The following MAP1LC3B2 variants were observed in gnomAD, a reference collection of about 807,000 sequenced individuals.
MAP1LC3B2 encodes the protein microtubule-associated protein 1 light chain 3 beta 2.
For synonymous variants in MAP1LC3B2, 62 were observed against 57.8 expected (o/e 1.07, Z -0.33); for missense variants, 155 against 154.6 (o/e 1.00, Z -0.01).
chr12:116,573,845 AAGACCAAT>A (rs1869604303), intron 1 of MAP1LC3B2, among the ~76,000 whole-genome samples: 1 of 152,246 alleles, frequency 6.6e-6, no homozygotes, highest in Non-Finnish European at 1.5e-5. Flanking sequence ...ACAAAATAAA[AAGACCAAT>A]AGCCCAGGCA....
At chr12:116,560,188 C>CTATATGTATATATATATATA (rs1869217282) in intron 1 of MAP1LC3B2, 1 of 88,444 alleles carries the variant, frequency 1.1e-5, no homozygotes, top group South Asian at 3.6e-4. Flanking sequence ...CTAAGTTTGG[C>CTATATGTATATATATATATA]TATATATATA....
rs58530141 is a variant in MAP1LC3B2, at chr12:116,566,616, TAAAAA to T, written c.-102+7202_-102+7206del. On this transcript the variant is annotated intron_variant, in intron 1 of 1. Transcript: ENST00000556529. ...GTACGTGGAACTGTGAGTCAGTGATTAAAAAAAAAAAAAAAAAAAAAAACAAGAAT... is the reference window on the plus strand; with the variant it reads ...GTACGTGGAACTGTGAGTCAGTGATTAAAAAAAAAAAAAAAAAACAAGAAT... 4.8e-3 allele frequency among the ~76,000 whole-genome samples: 442 copies of T among 91,622 alleles called. 3 individuals are homozygous for T. The highest frequency in any genetic ancestry group is 0.017 in the African/African-American group (424 of 24,566). The allele number at this position is 91,622 out of a possible 152,430, so 60.1% of individuals were successfully genotyped here.
chr12:116,567,301 C>A (rs1310408293), intron 1 of MAP1LC3B2, among the ~76,000 whole-genome samples: 1 of 152,028 alleles, frequency 6.6e-6, no homozygotes, highest in South Asian at 2.1e-4. Context: ...AGAAAGAAGT[C>A]TTTTTATTCC....
intron 1 of MAP1LC3B2, among the ~76,000 whole-genome samples, chr12:116,572,536 T>G (rs991564543): frequency 6.6e-6 from 1 of 152,016 alleles, no homozygotes; most frequent in Admixed American, 6.5e-5. Flanking sequence ...GGCTAATTTT[T>G]TGTATTTTTA....
In MAP1LC3B2 at chr12:116,576,384, G is replaced by T; in HGVS notation, c.*64G>T. ...CCTTACCAAGGAAAAAAAAAGGGAT[G>T]TTACCAACTGAGATCGATCAGTTCA... On this transcript the variant is annotated 3_prime_UTR_variant, in exon 2 of 2. Transcript: ENST00000556529. 6.4e-7 allele frequency: 1 copy of T among 1,558,234 alleles called. No individual in the cohort carries two copies. Among genetic ancestry groups the T allele is most frequent in the South Asian group, 1.2e-5 (1 of 80,336 alleles).
At chr12:116,568,644 A>G (rs1228196157) in intron 1 of MAP1LC3B2, among the ~76,000 whole-genome samples, 1 of 152,096 alleles carries the variant, frequency 6.6e-6, no homozygotes, top group Admixed American at 6.6e-5. Flanking sequence ...TTTAGGAGGT[A>G]ATTAGGATTA....
At chr12:116,563,225 C>T (rs1181911705) in intron 1 of MAP1LC3B2, among the ~76,000 whole-genome samples, 1 of 152,154 alleles carries the variant, frequency 6.6e-6, no homozygotes, top group Non-Finnish European at 1.5e-5. Flanking sequence ...TCCCAAAGTG[C>T]TGGGATTACA....
intron 1 of MAP1LC3B2, among the ~76,000 whole-genome samples, chr12:116,567,697 G>A (rs889184072): frequency 2.4e-4 from 37 of 151,874 alleles, no homozygotes; most frequent in African/African-American, 8.5e-4. Flanking sequence ...GCAGTGAGCC[G>A]AGATTGTGTC....
intron 1 of MAP1LC3B2, among the ~76,000 whole-genome samples, chr12:116,569,913 G>C (rs1380635276): frequency 6.6e-6 from 1 of 152,060 alleles, no homozygotes; most frequent in Non-Finnish European, 1.5e-5. Flanking sequence ...AATTAGCTGG[G>C]CATGGTGGCA....
intron 1 of MAP1LC3B2, among the ~76,000 whole-genome samples, chr12:116,566,386 C>T (rs1869385122): frequency 6.6e-6 from 1 of 152,036 alleles, no homozygotes; most frequent in Non-Finnish European, 1.5e-5. Context: ...TTGACAAATG[C>T]ACCAGCAGGT....
At chr12:116,573,578 G>A (rs1260713766) in intron 1 of MAP1LC3B2, among the ~76,000 whole-genome samples, 4 of 151,856 alleles carry the variant, frequency 2.6e-5, no homozygotes, top group Admixed American at 1.3e-4. Context: ...GTGCAGTGGC[G>A]TGATCTCGGC....
intron 1 of MAP1LC3B2, among the ~76,000 whole-genome samples, chr12:116,568,871 T>TC (rs1156724220): frequency 9.9e-6 from 1 of 100,966 alleles, no homozygotes. Flanking sequence ...TTTCTTTCTT[T>TC]TTTTTTTTTT....
chr12:116,566,235 A>G (rs1191546136), intron 1 of MAP1LC3B2, among the ~76,000 whole-genome samples: 3 of 152,206 alleles, frequency 2.0e-5, no homozygotes, highest in Non-Finnish European at 2.9e-5. Flanking sequence ...AGCAAAATGC[A>G]TTTCTTCTTT....
At chr12:116,561,784 A>G (rs750317006) in intron 1 of MAP1LC3B2, among the ~76,000 whole-genome samples, 1 of 152,150 alleles carries the variant, frequency 6.6e-6, no homozygotes, top group Non-Finnish European at 1.5e-5. Context: ...ATAATTAGAA[A>G]ACTTCCCTTA....
chr12:116,559,563 A>C (rs903024832), intron 1 of MAP1LC3B2, 130 bp downstream of exon 1: 1 of 152,184 alleles, frequency 6.6e-6, no homozygotes, highest in Non-Finnish European at 1.5e-5. Context: ...AAAACCACAA[A>C]AGTCCCCACA....
Position 116,569,671 on chromosome 12 carries a change from C to T in MAP1LC3B2, c.-101-6171C>T, listed in dbSNP as rs560520185. ...ACATTTCAACAAAGAAGTAGAATGGCGCTTATATACATACCTCAATACAAC... is the reference window on the plus strand; with the variant it reads ...ACATTTCAACAAAGAAGTAGAATGGTGCTTATATACATACCTCAATACAAC... On this transcript the variant is annotated intron_variant, in intron 1 of 1. Coordinates refer to ENST00000556529, the MANE Select transcript of MAP1LC3B2 (RefSeq NM_001085481.3). Among the ~76,000 whole-genome samples the T allele has an allele frequency of 7.9e-5, 12 of 152,086 alleles. No homozygotes were observed. In the South Asian group the frequency reaches 1.0e-3, roughly 13 times the overall value.
chr12:116,573,905 C>T (rs1410598562), intron 1 of MAP1LC3B2, among the ~76,000 whole-genome samples: 2 of 152,166 alleles, frequency 1.3e-5, no homozygotes, highest in Admixed American at 6.5e-5. Flanking sequence ...AGTAGAAATG[C>T]AAATGGCCAA....
rs367803114 is a variant in MAP1LC3B2 at position 116,576,198 on chromosome 12, C to A, written c.256C>A (p.His86Asn). 8 of 1,614,092 alleles carry A rather than the reference C, an allele frequency of 5.0e-6. No homozygotes were observed. Among genetic ancestry groups the A allele is most frequent in the Admixed American group, 1.7e-5 (1 of 60,008 alleles). Residue 86 changes from histidine (H) to asparagine (N), a missense_variant, in exon 2 of 2, where the codon CAC becomes AAC. Physicochemically the swap from His to Asn is moderately conservative, Grantham distance 68 (BLOSUM62 1). Coordinates refer to ENST00000556529, the MANE Select transcript of MAP1LC3B2 (RefSeq NM_001085481.3). ...GGCCTTCTTCCTGTTGGTGAACGGA[C>A]ACAGCATGGTCAGCGTCTCCACACC... ...NQAFFLLVNG[H>N]SMVSVSTPIS... is the part of the protein sequence containing the mutation.
At chr12:116,566,636 A>AAC (rs1869393437) in intron 1 of MAP1LC3B2, among the ~76,000 whole-genome samples, 1 of 149,668 alleles carries the variant, frequency 6.7e-6, no homozygotes, top group African/African-American at 2.5e-5. Context: ...AAAAAAAAAA[A>AAC]AAACAAGAAT....
Sources: gnomAD v4.1 joint callset for allele counts (sites outside exome capture counted in the v4.1 genomes callset) on GRCh38, gnomAD v4.1.1 for gene constraint, MANE v1.5 for transcripts, NCBI Gene and HGNC (gene_info 2026-07-23, HGNC 2026-07-21) for gene names.